The following PLEKHH2 variants were observed in gnomAD, a reference collection of about 807,000 sequenced individuals.
PLEKHH2 encodes pleckstrin homology domain-containing family H member 2.
Under a neutral mutation model 187.9 loss-of-function variants are expected in PLEKHH2, and 129 were observed. That is an observed-to-expected ratio of 0.69 (90% confidence interval 0.59 to 0.79). PLEKHH2 has a LOEUF of 0.79. PLEKHH2 is among the 30% of genes least tolerant of loss of function. The probability of loss-of-function intolerance (pLI) is 0.00; values close to 1 mark genes in which losing one functional copy is unlikely to be tolerated. For missense variants in PLEKHH2, 2,076 were observed against 1,751.2 expected (o/e 1.19, Z -3.31); for synonymous variants, 686 against 605.6 (o/e 1.13, Z -1.95).
At chr2:43,730,974 C>G (rs956408274) in intron 18 of PLEKHH2, among the ~76,000 whole-genome samples, 4 of 152,214 alleles carry the variant, frequency 2.6e-5, no homozygotes, top group African/African-American at 9.6e-5. Context: ...ATTTAAGCAA[C>G]GTGATAGTGC....
chr2:43,704,536 G>A (rs1437098914), intron 9 of PLEKHH2, among the ~76,000 whole-genome samples: 1 of 151,732 alleles, frequency 6.6e-6, no homozygotes, highest in Non-Finnish European at 1.5e-5. Flanking sequence ...GGTGGCGGGC[G>A]CCCATAGCCC....
intron 15 of PLEKHH2, among the ~76,000 whole-genome samples, chr2:43,714,988 G>A (rs1337022319): frequency 6.6e-6 from 1 of 152,082 alleles, no homozygotes; most frequent in Non-Finnish European, 1.5e-5. Context: ...CGCGAATGAA[G>A]GCTTAGAGTC....
chr2:43,734,127 T>C (rs1027202931), intron 19 of PLEKHH2, among the ~76,000 whole-genome samples: 1 of 152,166 alleles, frequency 6.6e-6, no homozygotes, highest in Admixed American at 6.5e-5. Flanking sequence ...CCAACATATA[T>C]GAGTAGAGAG....
Position 43,694,309 on chromosome 2 carries a change from G to C in PLEKHH2, c.337-122G>C, listed in dbSNP as rs1030741748. 15 of 1,157,406 alleles carry C rather than the reference G, an allele frequency of 1.3e-5. No homozygotes were observed. In the African/African-American group the frequency reaches 2.3e-4, roughly 17 times the overall value. The allele number at this position is 1,157,406 out of a possible 1,614,324, so 71.7% of individuals were successfully genotyped here. A position where few individuals can be genotyped will look rare whatever the true frequency, so the allele number is the denominator to read the frequency against. On this transcript the variant is annotated intron_variant, in intron 4 of 29. Coordinates refer to ENST00000282406, the MANE Select transcript of PLEKHH2 (RefSeq NM_172069.4). ...CTTTTAAAAACCTATTTGGTAATTT[G>C]AAAGCAGATATAGTAACTTGGAATC... is the stretch of plus-strand genomic sequence containing the variant.
rs537070923 is a variant in PLEKHH2, at chr2:43,678,937, T to C, written c.186+12T>C. 2 of 1,594,590 alleles carry C rather than the reference T, an allele frequency of 1.3e-6. No homozygotes were observed. Among genetic ancestry groups the C allele is most frequent in the Non-Finnish European group, 1.7e-6 (2 of 1,167,040 alleles). On this transcript the variant is annotated intron_variant, in intron 3 of 29. Transcript: ENST00000282406. ...AAGCTTTTCAACAGGTAGAGTATAA[T>C]TTTACTTTAAATTTTTTTTGCCTGT... is the stretch of plus-strand genomic sequence containing the variant.
At chr2:43,748,396 T>C (rs370837263) in intron 24 of PLEKHH2, among the ~76,000 whole-genome samples, 37 of 152,356 alleles carry the variant, frequency 2.4e-4, no homozygotes, top group Middle Eastern at 6.8e-3. Flanking sequence ...CTTTGGTGAC[T>C]GGGAAGGACA....
At chr2:43,643,354 T>G (rs1034003058) in intron 1 of PLEKHH2, among the ~76,000 whole-genome samples, 12 of 152,110 alleles carry the variant, frequency 7.9e-5, no homozygotes, top group African/African-American at 2.7e-4. Context: ...TTTAAGAAGC[T>G]GGGGTGCACT....
intron 1 of PLEKHH2, among the ~76,000 whole-genome samples, chr2:43,642,985 C>CTT (rs2104321459): frequency 6.6e-6 from 1 of 152,240 alleles, no homozygotes; most frequent in Non-Finnish European, 1.5e-5. Context: ...AAAGATGCCC[C>CTT]TTTCAGGCCT....
At chr2:43,658,919 GTTTT>G (rs1558433135) in intron 2 of PLEKHH2, 1 of 149,618 alleles carries the variant, frequency 6.7e-6, no homozygotes, top group African/African-American at 2.5e-5. Flanking sequence ...CATCTATTGA[GTTTT>G]TTCTTTCAGT....
intron 4 of PLEKHH2, among the ~76,000 whole-genome samples, chr2:43,693,585 G>A (rs1177346817): frequency 5.9e-5 from 9 of 151,944 alleles, no homozygotes; most frequent in South Asian, 4.2e-4. Flanking sequence ...TTAGCCGGGC[G>A]TGGTGGCGGG....
chr2:43,678,650 G>C (rs1667995638), intron 2 of PLEKHH2, among the ~76,000 whole-genome samples: 1 of 152,018 alleles, frequency 6.6e-6, no homozygotes, highest in South Asian at 2.1e-4. Flanking sequence ...AGTGAGCCGA[G>C]ATGGCAGCAG....
At chr2:43,651,208 T>C (rs935057512) in intron 2 of PLEKHH2, among the ~76,000 whole-genome samples, 1 of 152,126 alleles carries the variant, frequency 6.6e-6, no homozygotes, top group Non-Finnish European at 1.5e-5. Flanking sequence ...GTTTCTGTTA[T>C]GTGTATTCAT....
intron 2 of PLEKHH2, among the ~76,000 whole-genome samples, chr2:43,654,538 A>G (rs2104358842): frequency 6.8e-6 from 1 of 146,484 alleles, no homozygotes; most frequent in Non-Finnish European, 1.5e-5. Flanking sequence ...TTTAAGTGTA[A>G]CCACTTAAAA....
At chr2:43,747,672 C>G (rs1671836774) in intron 24 of PLEKHH2, among the ~76,000 whole-genome samples, 1 of 152,154 alleles carries the variant, frequency 6.6e-6, no homozygotes, top group Non-Finnish European at 1.5e-5. Context: ...CTGACCAGCT[C>G]ACATTAATTA....
chr2:43,694,372 A>G, intron 4 of PLEKHH2, 59 bp from the exon 5 acceptor site: 1 of 1,486,788 alleles, frequency 6.7e-7, no homozygotes, highest in East Asian at 2.5e-5. Flanking sequence ...TTTATGGTAA[A>G]ACATTTCCAG....
In PLEKHH2 at chr2:43,644,742, A is replaced by G. The variant is rs779851831; in HGVS notation, c.69A>G (p.Gln23=). The G allele has an allele frequency of 4.3e-6, 7 of 1,610,220 alleles. No homozygotes were observed. The highest frequency in any genetic ancestry group is 3.3e-5 in the South Asian group (3 of 90,740). Reference sequence around the variant, plus strand: ...AACGATGTGTAGCTCTGGAGTCCCAACTCATGAAATTTAGAGTTCAAGCAA... The same window carrying G: ...AACGATGTGTAGCTCTGGAGTCCCAGCTCATGAAATTTAGAGTTCAAGCAA... ...WKERCVALES[Q]LMKFRVQASK... The change falls in exon 2 of 30, where the codon CAA becomes CAG. Residue 23 remains glutamine (Q), a synonymous_variant. Coordinates refer to ENST00000282406, the MANE Select transcript of PLEKHH2 (RefSeq NM_172069.4).
intron 2 of PLEKHH2, among the ~76,000 whole-genome samples, chr2:43,672,598 C>G (rs141454741): frequency 1.3e-5 from 2 of 152,192 alleles, no homozygotes; most frequent in Admixed American, 6.6e-5. Flanking sequence ...GCATTTGAAC[C>G]CTTTTTCTAT....
chr2:43,680,960 A>G lies in PLEKHH2; in HGVS notation c.186+2035A>G. 2.9e-6 allele frequency: 3 copies of G among 1,027,340 alleles called. 1 individual carries two copies. Among genetic ancestry groups the G allele is most frequent in the Non-Finnish European group, 4.2e-6 (3 of 715,938 alleles). 63.6% of individuals were successfully genotyped at this position (1,027,340 alleles called of 1,614,324 possible). A position where few individuals can be genotyped will look rare whatever the true frequency, so the allele number is the denominator to read the frequency against. The stretch of plus-strand genomic sequence containing the variant: ...AGTTGCAATTATTTTTACTACATAC[A>G]CTGGATTTCTAGTTTCCGTTACTGT... On this transcript the variant is annotated intron_variant, in intron 3 of 29. Coordinates refer to ENST00000282406, the MANE Select transcript of PLEKHH2 (RefSeq NM_172069.4).
At chr2:43,641,724 G>A (rs1345853071) in intron 1 of PLEKHH2, among the ~76,000 whole-genome samples, 1 of 152,168 alleles carries the variant, frequency 6.6e-6, no homozygotes, top group Non-Finnish European at 1.5e-5. Flanking sequence ...ATATCCAGTT[G>A]TCCCAGCATC....
Sources: gnomAD v4.1 joint callset for allele counts (sites outside exome capture counted in the v4.1 genomes callset) on GRCh38, gnomAD v4.1.1 for gene constraint, MANE v1.5 for transcripts, NCBI Gene and HGNC (gene_info 2026-07-23, HGNC 2026-07-21) for gene names.